Variants in SAMD5 observed in about 807,000 individuals in gnomAD.
SAMD5 encodes the protein sterile alpha motif domain-containing protein 5.
SAMD5 carries 13 observed loss-of-function variants against 11.3 expected under a neutral mutation model. The ratio of observed to expected loss-of-function variants is 1.15; its 90% CI spans 0.75 to 1.83. The LOEUF is 1.83. SAMD5 is among the 40% of genes most tolerant of loss of function. SAMD5 has a pLI of 0.00. For missense variants in SAMD5, 255 were observed against 239.1 expected (o/e 1.07, Z -0.44); for synonymous variants, 129 against 111.3 (o/e 1.16, Z -1.00).
At chr6:147,754,056 G>A in the SAMD5 span, among the ~76,000 whole-genome samples, 2 of 152,178 alleles carry the variant, frequency 1.3e-5, no homozygotes, top group Admixed American at 6.5e-5. Flanking sequence ...TTTCTTTTGG[G>A]TATATACCCA....
chr6:147,922,041 T>C, the SAMD5 span, among the ~76,000 whole-genome samples: 1 of 152,338 alleles, frequency 6.6e-6, no homozygotes, highest in East Asian at 1.9e-4. Flanking sequence ...ACAAGCATCA[T>C]AACAACTCAA....
At chr6:147,790,752 CTCTTTCTCTCTCTCTCTT>C in the SAMD5 span, among the ~76,000 whole-genome samples, 59 of 71,034 alleles carry the variant, frequency 8.3e-4, no homozygotes, top group African/African-American at 4.9e-3. Context: ...CTCTCTCTCT[CTCTTTCTCTCTCTCTCTT>C]TCTCTCTCTC....
chr6:147,634,508 A>G (rs1790196153), intron 1 of SAMD5, among the ~76,000 whole-genome samples: 1 of 152,168 alleles, frequency 6.6e-6, no homozygotes, highest in Non-Finnish European at 1.5e-5. Context: ...TGGGGAAAAA[A>G]TTCAACCATA....
At chr6:147,740,372 A>G (rs561651866), downstream of SAMD5, among the ~76,000 whole-genome samples, 7 of 152,352 alleles carry the variant, frequency 4.6e-5, no homozygotes, top group Admixed American at 2.6e-4. Context: ...CTTTCTGAAG[A>G]TAACACTAGG....
intron 1 of SAMD5, among the ~76,000 whole-genome samples, chr6:147,606,959 T>C (rs1339068635): frequency 1.4e-5 from 1 of 72,320 alleles, no homozygotes; most frequent in African/African-American, 8.4e-5. Context: ...GTAGCAGCTT[T>C]ATCCAAAAAA....
rs531529551 is a variant in SAMD5 at position 147,617,146 on chromosome 6, C to T, written c.162+107759C>T. Among the ~76,000 whole-genome samples, 4 of 152,194 alleles carry T rather than the reference C, an allele frequency of 2.6e-5. No homozygotes were observed. In the South Asian group the frequency reaches 8.3e-4, roughly 32 times the overall value. ...GGGTATCATATCCTGGATGGTCTTTCTTTAGGTGAGTCTTATTCATACCTG... is the reference window on the plus strand; with the variant it reads ...GGGTATCATATCCTGGATGGTCTTTTTTTAGGTGAGTCTTATTCATACCTG... On this transcript the variant is annotated intron_variant, in intron 1 of 1. Transcript: ENST00000566741.
chr6:147,621,475 C>A (rs186996103), intron 1 of SAMD5, among the ~76,000 whole-genome samples: 2 of 149,188 alleles, frequency 1.3e-5, no homozygotes, highest in Non-Finnish European at 3.0e-5. Flanking sequence ...GCAGCCACTT[C>A]AGGAATCCAT....
chr6:147,940,357 A>T, the SAMD5 span, among the ~76,000 whole-genome samples: 1 of 152,150 alleles, frequency 6.6e-6, no homozygotes, highest in South Asian at 2.1e-4. Flanking sequence ...ATATTCTACT[A>T]GTTAGAAGCA....
chr6:147,515,187 T>TG (rs1788147105), intron 1 of SAMD5, among the ~76,000 whole-genome samples: 2 of 136,114 alleles, frequency 1.5e-5, no homozygotes, highest in Non-Finnish European at 3.2e-5. Flanking sequence ...TTTTTTTTTT[T>TG]TTTTTTTTTT....
At chr6:147,514,500 C>A (rs1441824296) in intron 1 of SAMD5, among the ~76,000 whole-genome samples, 1 of 151,408 alleles carries the variant, frequency 6.6e-6, no homozygotes, top group African/African-American at 2.4e-5. Context: ...TAAGTATGCA[C>A]ATTAAGAAGG....
chr6:147,721,198 C>A (rs1158912671), intron 1 of SAMD5, among the ~76,000 whole-genome samples: 1 of 147,794 alleles, frequency 6.8e-6, no homozygotes, highest in South Asian at 2.2e-4. Context: ...ATTTATAGTC[C>A]TTTGGGTATA....
intron 1 of SAMD5, among the ~76,000 whole-genome samples, chr6:147,578,737 T>A (rs2128446004): frequency 6.6e-6 from 1 of 152,194 alleles, no homozygotes; most frequent in East Asian, 1.9e-4. Flanking sequence ...AAGTTGTTTG[T>A]GGGTAATAAT....
chr6:147,953,925 A>C, the SAMD5 span: 1 of 152,226 alleles, frequency 6.6e-6, no homozygotes, highest in Non-Finnish European at 1.5e-5. Flanking sequence ...AGAAAAAATT[A>C]AAACCGTTTA....
At chr6:147,795,062 A>ATTT in the SAMD5 span, among the ~76,000 whole-genome samples, 2 of 150,484 alleles carry the variant, frequency 1.3e-5, no homozygotes, top group Non-Finnish European at 3.0e-5. Context: ...ATCCCATCCT[A>ATTT]TTTTTTTTTA....
chr6:147,523,069 C>T (rs184187029), intron 1 of SAMD5, among the ~76,000 whole-genome samples: 1 of 152,162 alleles, frequency 6.6e-6, no homozygotes, highest in Admixed American at 6.5e-5. Flanking sequence ...TTCTACTCAC[C>T]TCCCCCTCAA....
At chr6:147,592,307 G>A (rs772479538) in intron 1 of SAMD5, among the ~76,000 whole-genome samples, 6 of 152,200 alleles carry the variant, frequency 3.9e-5, no homozygotes, top group Admixed American at 6.5e-5. Context: ...CCTAGTGGCT[G>A]CAGAAGGTTT....
intron 1 of SAMD5, among the ~76,000 whole-genome samples, chr6:147,625,932 C>T (rs1790044966): frequency 6.6e-6 from 1 of 152,150 alleles, no homozygotes; most frequent in South Asian, 2.1e-4. Context: ...TGGGTCAGAA[C>T]CAGTCATGAC....
At chr6:147,801,832 A>C in the SAMD5 span, among the ~76,000 whole-genome samples, 2 of 152,194 alleles carry the variant, frequency 1.3e-5, no homozygotes, top group South Asian at 4.1e-4. Context: ...AAATCTTTTT[A>C]ATCAATGGTG....
the SAMD5 span, among the ~76,000 whole-genome samples, chr6:147,834,351 A>G: frequency 6.6e-6 from 1 of 152,206 alleles, no homozygotes; most frequent in Non-Finnish European, 1.5e-5. Context: ...GGTAGTTACA[A>G]TCATCCCCAA....
Sources: allele counts gnomAD v4.1 joint callset (sites outside exome capture counted in the v4.1 genomes callset), GRCh38; gene constraint gnomAD v4.1.1; transcripts MANE v1.5; gene names NCBI Gene and HGNC (gene_info 2026-07-23, HGNC 2026-07-21).